Variants in ETNK1 observed in about 807,000 individuals in gnomAD.
ETNK1 encodes ethanolamine kinase 1, also known as putative protein product of Nbla10396.
Under a neutral mutation model 45.1 loss-of-function variants are expected in ETNK1, and 8 were observed. The ratio of observed to expected loss-of-function variants is 0.18; its 90% CI spans 0.10 to 0.32. The LOEUF (loss-of-function observed/expected upper bound fraction) is 0.32, where lower values mean the gene tolerates loss of function less well. ETNK1 is among the 10% of genes least tolerant of loss of function. ETNK1 has a pLI of 1.00. For synonymous variants in ETNK1, 152 were observed against 151.9 expected (o/e 1.00, Z -0.01); for missense variants, 302 against 430.6 (o/e 0.70, Z 2.64).
chr12:22,651,264 CT>C (rs1409382854), intron 2 of ETNK1, among the ~76,000 whole-genome samples: 2 of 152,204 alleles, frequency 1.3e-5, no homozygotes, highest in African/African-American at 4.8e-5. Context: ...AGATGGTTCT[CT>C]ACTTGGCCAG....
At position 22,625,192 on chromosome 12, in the gene ETNK1, C is replaced by T. The variant is rs1486452483; in HGVS notation, c.-239C>T. ...CTCTGCGGCCGCCCGCGGTCCAGCT[C>T]CGACAACAGGAATTTTCTCCGAGAG... On this transcript the variant is annotated 5_prime_UTR_variant, in exon 1 of 8. Coordinates refer to ENST00000266517, the MANE Select transcript of ETNK1 (RefSeq NM_018638.5). The T allele has an allele frequency of 3.1e-6, 5 of 1,608,618 alleles. No homozygotes were observed. The highest frequency in any genetic ancestry group is 4.2e-6 in the Non-Finnish European group (5 of 1,177,600).
At chr12:22,632,156 T>C (rs1219524451) in intron 1 of ETNK1, among the ~76,000 whole-genome samples, 3 of 151,974 alleles carry the variant, frequency 2.0e-5, no homozygotes, top group Admixed American at 6.5e-5. Flanking sequence ...GAGAAAATAA[T>C]AAGTGCATGA....
chr12:22,673,722 T>G, intron 6 of ETNK1, 62 bp downstream of exon 6: 1 of 1,452,930 alleles, frequency 6.9e-7, no homozygotes, highest in Non-Finnish European at 9.3e-7. Context: ...GCTTCTAAAT[T>G]TTCGTCATCT....
intron 1 of ETNK1, among the ~76,000 whole-genome samples, chr12:22,632,969 C>A (rs1953600347): frequency 6.6e-6 from 1 of 152,162 alleles, no homozygotes; most frequent in African/African-American, 2.4e-5. Context: ...GAATATACCT[C>A]AATTTATATG....
At chr12:22,654,795 G>A (rs1953918422) in intron 2 of ETNK1, among the ~76,000 whole-genome samples, 1 of 152,068 alleles carries the variant, frequency 6.6e-6, no homozygotes, top group South Asian at 2.1e-4. Flanking sequence ...ATCTTATGTG[G>A]CAGATGTTTT....
intron 6 of ETNK1, among the ~76,000 whole-genome samples, chr12:22,679,702 G>GTTT (rs71444173): frequency 7.8e-6 from 1 of 128,540 alleles, no homozygotes. Flanking sequence ...TTGGTTTTTT[G>GTTT]TTTTTTTTTT....
At chr12:22,684,812 A>T in intron 7 of ETNK1, 70 bp from the exon 8 acceptor site, 2 of 1,221,780 alleles carry the variant, frequency 1.6e-6, no homozygotes, top group Non-Finnish European at 2.3e-6. Context: ...TAGAGGACTG[A>T]GTGAAAATAA....
At chr12:22,654,223 A>G (rs1953913120) in intron 2 of ETNK1, among the ~76,000 whole-genome samples, 1 of 152,212 alleles carries the variant, frequency 6.6e-6, no homozygotes, top group African/African-American at 2.4e-5. Context: ...TACCTTGTTT[A>G]TGGCATTTTT....
At chr12:22,654,354 A>T (rs1488025313) in intron 2 of ETNK1, among the ~76,000 whole-genome samples, 4 of 152,226 alleles carry the variant, frequency 2.6e-5, no homozygotes, top group Non-Finnish European at 5.9e-5. Flanking sequence ...TGTGAGAAGA[A>T]GATGATGTGG....
Position 22,687,681 on chromosome 12 carries a change from A to G in ETNK1, c.*2727A>G, listed in dbSNP as rs1006017948. 1.3e-5 allele frequency: 2 copies of G among 152,282 alleles called. No individual in the cohort carries two copies. Among genetic ancestry groups the G allele is most frequent in the South Asian group, 4.1e-4 (2 of 4,832 alleles). The allele number at this position is 152,282 out of a possible 1,614,324, so 9.4% of individuals were successfully genotyped here. A position where few individuals can be genotyped will look rare whatever the true frequency, so the allele number is the denominator to read the frequency against. On this transcript the variant is annotated 3_prime_UTR_variant, in exon 8 of 8. Coordinates refer to ENST00000266517, the MANE Select transcript of ETNK1 (RefSeq NM_018638.5). Reference sequence around the variant, plus strand: ...CAGTACACACGATCATCTGAGATCAATATGAGCACAAAACTCATCAAGTAG... The same window carrying G: ...CAGTACACACGATCATCTGAGATCAGTATGAGCACAAAACTCATCAAGTAG...
chr12:22,655,328 G>GTTTTTTTTTTTTTTTTTTTTTTTT (rs10586779), intron 2 of ETNK1, among the ~76,000 whole-genome samples: 1 of 122,790 alleles, frequency 8.1e-6, no homozygotes, highest in African/African-American at 3.0e-5. Flanking sequence ...GGGTTTGTTT[G>GTTTTTTTTTTTTTTTTTTTTTTTT]TTTTTTTTTT....
intron 2 of ETNK1, among the ~76,000 whole-genome samples, chr12:22,654,158 G>T (rs1953912395): frequency 6.6e-6 from 1 of 152,214 alleles, no homozygotes; most frequent in Non-Finnish European, 1.5e-5. Context: ...GCAGCAAGAA[G>T]GTGCCATCTG....
chr12:22,687,096 G>C lies in ETNK1; in HGVS notation c.*2142G>C, dbSNP rs1240641475. 1 of 151,508 alleles carries C rather than the reference G, an allele frequency of 6.6e-6. No homozygotes were observed. Among genetic ancestry groups the C allele is most frequent in the Non-Finnish European group, 1.5e-5 (1 of 67,674 alleles). The allele number at this position is 151,508 out of a possible 1,614,324, so 9.4% of individuals were successfully genotyped here. A position where few individuals can be genotyped will look rare whatever the true frequency, so the allele number is the denominator to read the frequency against. Reference sequence around the variant, plus strand: ...GAAGTGAATGTAACCAGGAATAAAGGCTCTCACTTTAGCTCTGGGACTATG... The same window carrying C: ...GAAGTGAATGTAACCAGGAATAAAGCCTCTCACTTTAGCTCTGGGACTATG... On this transcript the variant is annotated 3_prime_UTR_variant, in exon 8 of 8. Coordinates refer to ENST00000266517, the MANE Select transcript of ETNK1 (RefSeq NM_018638.5).
At chr12:22,664,767 T>C (rs546265832) in intron 4 of ETNK1, among the ~76,000 whole-genome samples, 14 of 152,264 alleles carry the variant, frequency 9.2e-5, no homozygotes, top group African/African-American at 2.6e-4. Context: ...CATGTTTGAT[T>C]TTTTATTACT....
rs1953943047 is a variant in ETNK1 at position 22,656,552 on chromosome 12, G to A, written c.417-2462G>A. On this transcript the variant is annotated intron_variant, in intron 2 of 7. Coordinates refer to ENST00000266517, the MANE Select transcript of ETNK1 (RefSeq NM_018638.5). ...CTTATTCACTGAAAGCAGAACTACT[G>A]TGCCGAGCCCTCCAGTGACATGGGC... 3 of 985,360 alleles carry A rather than the reference G, an allele frequency of 3.0e-6. No individual in the cohort carries two copies. The South Asian group carries it at 1.4e-4, about 46-fold the overall frequency. 61.0% of individuals were successfully genotyped at this position (985,360 alleles called of 1,614,324 possible).
At chr12:22,662,274 GAT>G (rs1954010687) in intron 4 of ETNK1, among the ~76,000 whole-genome samples, 1 of 135,638 alleles carries the variant, frequency 7.4e-6, no homozygotes, top group Admixed American at 7.7e-5. Flanking sequence ...TTTTAGAAGA[GAT>G]AGAGTTTCAC....
intron 1 of ETNK1, among the ~76,000 whole-genome samples, chr12:22,639,698 AC>A (rs887810483): frequency 1.3e-5 from 2 of 152,074 alleles, no homozygotes; most frequent in African/African-American, 4.8e-5. Context: ...AAGATCTAGA[AC>A]CTTGATTAGA....
chr12:22,662,328 T>G (rs1309466484), intron 4 of ETNK1, among the ~76,000 whole-genome samples: 4 of 145,210 alleles, frequency 2.8e-5, no homozygotes, highest in Non-Finnish European at 4.5e-5. Context: ...CCCCAGGTGA[T>G]CCGCCCACCT....
At position 22,643,792 on chromosome 12, in the gene ETNK1, T is replaced by C; in HGVS notation, c.186T>C (p.Leu62=). 6.2e-7 allele frequency: 1 copy of C among 1,612,712 alleles called. No individual in the cohort carries two copies. Among genetic ancestry groups the C allele is most frequent in the African/African-American group, 1.3e-5 (1 of 74,974 alleles). The change falls in exon 2 of 8, where the codon CTT becomes CTC. Residue 62 remains leucine (L), a synonymous_variant. Transcript: ENST00000266517. ...TCACAGATGGAATCACAAATAAACTTATTGGCTGTTACGTGGGAAACACCA... is the reference window on the plus strand; with the variant it reads ...TCACAGATGGAATCACAAATAAACTCATTGGCTGTTACGTGGGAAACACCA... ...QLFTDGITNK[L]IGCYVGNTME...
Sources: allele counts gnomAD v4.1 joint callset (sites outside exome capture counted in the v4.1 genomes callset), GRCh38; gene constraint gnomAD v4.1.1; transcripts MANE v1.5; gene names NCBI Gene and HGNC (gene_info 2026-07-23, HGNC 2026-07-21).